GLT1D1: variants seen among roughly 807,000 people sequenced by gnomAD.
GLT1D1 encodes the protein glycosyltransferase 1 domain containing 1.
Under a neutral mutation model 28.7 loss-of-function variants are expected in GLT1D1, and 21 were observed. That is an observed-to-expected ratio of 0.73 (90% CI 0.52 to 1.05). The LOEUF is 1.05. Among genes scored for constraint, GLT1D1 ranks in the 50% least tolerant of loss-of-function variants. The probability of loss-of-function intolerance (pLI) is 0.00; values close to 1 mark genes in which losing one functional copy is unlikely to be tolerated. For synonymous variants in GLT1D1, 147 were observed against 124.8 expected, an observed-to-expected ratio of 1.18 and a Z score of -1.19; for missense variants, 343 against 330.6, an observed-to-expected ratio of 1.04 and a Z score of -0.29.
chr12:128,867,515 C>A (rs764384853), intron 1 of GLT1D1, among the ~76,000 whole-genome samples: 1 of 151,680 alleles, frequency 6.6e-6, no homozygotes, highest in Non-Finnish European at 1.5e-5. Flanking sequence ...GTTGCCCCAG[C>A]GGTGCTGGGC....
intron 1 of GLT1D1, among the ~76,000 whole-genome samples, chr12:128,854,732 GGTGATCC>G (rs1956170849): frequency 6.6e-6 from 1 of 152,042 alleles, no homozygotes; most frequent in African/African-American, 2.4e-5. Flanking sequence ...CCTGCCCTCA[GGTGATCC>G]GCCTGCCTCG....
chr12:128,940,998 T>G (rs1031173061), intron 4 of GLT1D1, among the ~76,000 whole-genome samples: 1 of 152,188 alleles, frequency 6.6e-6, no homozygotes, highest in Non-Finnish European at 1.5e-5. Context: ...AGATCCTGAG[T>G]GACCCCTGGG....
chr12:128,879,008 T>C (rs1325185984), intron 2 of GLT1D1, among the ~76,000 whole-genome samples: 1 of 152,232 alleles, frequency 6.6e-6, no homozygotes, highest in East Asian at 1.9e-4. Flanking sequence ...TAGGCCAAGA[T>C]GAAGTTCGGA....
chr12:128,959,134 C>T (rs1263517771), intron 7 of GLT1D1, among the ~76,000 whole-genome samples: 3 of 151,766 alleles, frequency 2.0e-5, no homozygotes, highest in Non-Finnish European at 4.4e-5. Flanking sequence ...CCACCTTCAG[C>T]AAAAATTAGC....
intron 6 of GLT1D1, among the ~76,000 whole-genome samples, chr12:128,955,758 C>T (rs887789257): frequency 4.6e-5 from 7 of 151,972 alleles, no homozygotes; most frequent in South Asian, 2.1e-4. Context: ...CTTCCCACCA[C>T]GTCAAACGGG....
At chr12:128,896,028 A>G (rs1014383955) in intron 3 of GLT1D1, among the ~76,000 whole-genome samples, 1 of 152,192 alleles carries the variant, frequency 6.6e-6, no homozygotes, top group Non-Finnish European at 1.5e-5. Context: ...GGACCGGACC[A>G]TTCAGCTTAC....
chr12:128,861,825 C>T (rs143073359), intron 1 of GLT1D1, among the ~76,000 whole-genome samples: 2,134 of 151,964 alleles, frequency 0.014, 17 homozygotes, highest in Non-Finnish European at 0.021. Context: ...ACTTTCTGGC[C>T]GCATCATTCT....
At position 128,984,061 on chromosome 12, in the gene GLT1D1, C is replaced by G. The variant is rs1422333302; in HGVS notation, c.*971C>G. ...CCTTGTCCTCTCCTAGTGGAATTTG[C>G]CTGGGAGAACCTCCACTGAATACTG... On this transcript the variant is annotated 3_prime_UTR_variant, in exon 8 of 8. Transcript: ENST00000281703. 6.6e-6 allele frequency: 1 copy of G among 152,270 alleles called. No homozygotes were observed. Among genetic ancestry groups the G allele is most frequent in the Non-Finnish European group, 1.5e-5 (1 of 68,078 alleles). The allele number at this position is 152,270 out of a possible 1,614,324, so 9.4% of individuals were successfully genotyped here.
rs182927583 is a variant in GLT1D1 at position 128,884,588 on chromosome 12, G to A, written c.218-4051G>A. On this transcript the variant is annotated intron_variant, in intron 2 of 7. Transcript: ENST00000281703. The stretch of plus-strand genomic sequence containing the variant: ...CCAGCACTTTGGAAGGCTGAGGCGG[G>A]TGGATCACTTGAGGTCACGAGTTCG... Among the ~76,000 whole-genome samples the A allele has an allele frequency of 2.0e-5, 3 of 152,300 alleles. No homozygotes were observed. In the East Asian group the frequency reaches 5.8e-4, roughly 29 times the overall value.
chr12:128,949,241 C>T (rs749362529), intron 6 of GLT1D1, among the ~76,000 whole-genome samples: 2 of 152,196 alleles, frequency 1.3e-5, no homozygotes, highest in Non-Finnish European at 2.9e-5. Context: ...CTAGCACACA[C>T]AGCACTTCAC....
At chr12:128,917,040 G>A (rs1334932618) in intron 4 of GLT1D1, among the ~76,000 whole-genome samples, 1 of 152,132 alleles carries the variant, frequency 6.6e-6, no homozygotes, top group Non-Finnish European at 1.5e-5. Context: ...GTATGAGGTA[G>A]GGATCTGTTT....
chr12:128,873,672 C>G (rs1956754856), intron 1 of GLT1D1, among the ~76,000 whole-genome samples: 1 of 152,166 alleles, frequency 6.6e-6, no homozygotes, highest in Non-Finnish European at 1.5e-5. Context: ...CAGGAGGCCT[C>G]AGGTCAACAT....
chr12:128,960,975 T>C (rs1251822147), intron 7 of GLT1D1, among the ~76,000 whole-genome samples: 1 of 152,300 alleles, frequency 6.6e-6, no homozygotes, highest in Non-Finnish European at 1.5e-5. Context: ...AAACCCGATA[T>C]AAAAAGATGA....
At chr12:128,924,516 C>T (rs1872987895) in intron 4 of GLT1D1, among the ~76,000 whole-genome samples, 2 of 151,886 alleles carry the variant, frequency 1.3e-5, no homozygotes, top group South Asian at 4.2e-4. Context: ...GACTAGAGTG[C>T]AGTGACCTTG....
At chr12:128,947,304 G>T (rs1165270452) in intron 5 of GLT1D1, 34 bp from the exon 10 acceptor site, 1 of 1,612,948 alleles carries the variant, frequency 6.2e-7, no homozygotes, top group Non-Finnish European at 8.5e-7. Flanking sequence ...GAGATTCTTG[G>T]AATCAGAGCC....
intron 4 of GLT1D1, among the ~76,000 whole-genome samples, chr12:128,908,950 AAAATAAATAAAT>A (rs377518306): frequency 6.6e-6 from 1 of 151,078 alleles, no homozygotes; most frequent in African/African-American, 2.4e-5. Context: ...CTCCGTCTCA[AAAATAAATAAAT>A]AAATAAATAA....
chr12:128,942,714 C>T (rs79394322), intron 4 of GLT1D1, among the ~76,000 whole-genome samples: 12,924 of 142,356 alleles, frequency 0.091, 1,951 homozygotes, highest in African/African-American at 0.31. Context: ...TCAGGAATCA[C>T]TTTAGATTCC....
chr12:128,935,621 ATATTTATTTGTTTATG>A (rs1482724276), intron 4 of GLT1D1, among the ~76,000 whole-genome samples: 3 of 151,368 alleles, frequency 2.0e-5, no homozygotes, highest in Non-Finnish European at 4.4e-5. Flanking sequence ...TGTTTTATTT[ATATTTATTTGTTTATG>A]TATTTATTTG....
chr12:128,864,044 CT>C (rs1398440081), intron 1 of GLT1D1: 3 of 491,664 alleles, frequency 6.1e-6, no homozygotes, highest in African/African-American at 2.0e-5. Context: ...ACTAGGGGGA[CT>C]TCCAGGGGCC....
Sources: allele counts gnomAD v4.1 joint callset (sites outside exome capture counted in the v4.1 genomes callset), GRCh38; gene constraint gnomAD v4.1.1; transcripts MANE v1.5; gene names NCBI Gene and HGNC (gene_info 2026-07-23, HGNC 2026-07-21).